Variants in FOCAD observed in about 807,000 individuals in gnomAD.
The protein encoded by FOCAD is focadhesin, also known as KIAA1797.
In FOCAD, 198 loss-of-function variants were observed where a neutral mutation model predicts 225.6. The observed-to-expected ratio is 0.88, with a 90% confidence interval of 0.78 to 0.99. FOCAD has a LOEUF of 0.99. Among genes scored for constraint, FOCAD ranks in the 50% least tolerant of loss-of-function variants. The pLI, the probability that FOCAD is intolerant of heterozygous loss-of-function variation, is 0.00. For missense variants in FOCAD, 2,713 were observed against 2,123.6 expected (o/e 1.28, Z -5.46); for synonymous variants, 897 against 755.0 (o/e 1.19, Z -3.08).
chr9:20,985,905 C>T (rs1014475154), intron 39 of FOCAD, among the ~76,000 whole-genome samples: 2 of 152,120 alleles, frequency 1.3e-5, no homozygotes, highest in Admixed American at 1.3e-4. Context: ...TCTTGGGGTT[C>T]CACAGAAGTT....
intron 4 of FOCAD, among the ~76,000 whole-genome samples, chr9:20,728,178 G>A (rs1826367597): frequency 6.6e-6 from 1 of 152,030 alleles, no homozygotes; most frequent in Non-Finnish European, 1.5e-5. Context: ...CGTCATAATT[G>A]ACCCATACTC....
At chr9:20,805,050 G>T (rs971080378) in intron 11 of FOCAD, among the ~76,000 whole-genome samples, 4 of 152,046 alleles carry the variant, frequency 2.6e-5, no homozygotes, top group South Asian at 2.1e-4. Flanking sequence ...AATAGTTTCC[G>T]CAGGGAAATT....
chr9:20,859,633 T>A (rs571866659), intron 15 of FOCAD, among the ~76,000 whole-genome samples: 2 of 148,530 alleles, frequency 1.3e-5, no homozygotes, highest in South Asian at 2.1e-4. Context: ...TTAAAAAAAT[T>A]TATTTTGAAA....
intron 5 of FOCAD, among the ~76,000 whole-genome samples, chr9:20,752,980 G>A (rs1000511736): frequency 6.6e-6 from 1 of 150,554 alleles, no homozygotes; most frequent in African/African-American, 2.4e-5. Flanking sequence ...TGGTGTATAA[G>A]AATGCTTGTG....
At chr9:20,991,727 C>T (rs1039694874) in intron 42 of FOCAD, among the ~76,000 whole-genome samples, 4 of 149,712 alleles carry the variant, frequency 2.7e-5, no homozygotes, top group African/African-American at 7.4e-5. Flanking sequence ...GCAGGAGAAT[C>T]GCTTGAACGC....
intron 21 of FOCAD, among the ~76,000 whole-genome samples, chr9:20,898,020 G>T (rs972542758): frequency 6.6e-6 from 1 of 151,694 alleles, no homozygotes; most frequent in Non-Finnish European, 1.5e-5. Context: ...CAGAATTCTA[G>T]GTTGTAATTT....
chr9:20,693,634 C>G (rs544800435), intron 1 of FOCAD, among the ~76,000 whole-genome samples: 1 of 152,256 alleles, frequency 6.6e-6, no homozygotes, highest in Non-Finnish European at 1.5e-5. Context: ...CTCTTCCATT[C>G]TTTATGGAAA....
intron 15 of FOCAD, among the ~76,000 whole-genome samples, chr9:20,857,786 T>G (rs1268588541): frequency 1.3e-4 from 3 of 22,898 alleles, no homozygotes; most frequent in South Asian, 7.9e-4. Flanking sequence ...TTTTTTTGAG[T>G]TTTTTTTTTT....
At chr9:20,942,316 G>T (rs563298912) in intron 28 of FOCAD, among the ~76,000 whole-genome samples, 1 of 152,296 alleles carries the variant, frequency 6.6e-6, no homozygotes, top group South Asian at 2.1e-4. Context: ...TGAAAGAGGG[G>T]CTTCAATCTA....
intron 21 of FOCAD, among the ~76,000 whole-genome samples, chr9:20,890,314 G>A (rs774952846): frequency 1.4e-5 from 2 of 146,494 alleles, no homozygotes; most frequent in Non-Finnish European, 3.0e-5. Flanking sequence ...TACAGATTTT[G>A]TCGACTTCCT....
intron 1 of FOCAD, among the ~76,000 whole-genome samples, chr9:20,695,925 C>T (rs1823334665): frequency 6.6e-6 from 1 of 152,170 alleles, no homozygotes. Context: ...AATTGAGAAG[C>T]AAATGAAGCT....
chr9:20,903,306 A>G (rs773183799), intron 21 of FOCAD, among the ~76,000 whole-genome samples: 7 of 151,898 alleles, frequency 4.6e-5, no homozygotes, highest in South Asian at 2.1e-4. Context: ...GAAAAATTAC[A>G]TAGTTAAATG....
chr9:20,916,471 G>C (rs1346001801), intron 23 of FOCAD, among the ~76,000 whole-genome samples: 1 of 152,196 alleles, frequency 6.6e-6, no homozygotes, highest in African/African-American at 2.4e-5. Context: ...GTAAAAAAGA[G>C]AGACTGTCTT....
At chr9:20,680,110 A>G (rs1822356281), upstream of FOCAD, among the ~76,000 whole-genome samples, 1 of 152,226 alleles carries the variant, frequency 6.6e-6, no homozygotes, top group Non-Finnish European at 1.5e-5. Flanking sequence ...TTCAGGCTCC[A>G]TTCTTTGCTT....
In FOCAD at chr9:20,919,778, G is replaced by T. The variant is rs544714898; in HGVS notation, c.2852+2841G>T. Among the ~76,000 whole-genome samples, 63 of 152,212 alleles carry T rather than the reference G, an allele frequency of 4.1e-4. No individual in the cohort carries two copies. In the South Asian group the frequency reaches 0.012, roughly 29 times the overall value. ...AGCCATATGTAGAAAGCTGAAACTG[G>T]ATCCCTTCCTTACACCTTATACGAA... is the stretch of plus-strand genomic sequence containing the variant. On this transcript the variant is annotated intron_variant, in intron 24 of 43. Coordinates refer to ENST00000338382, the MANE Select transcript of FOCAD (RefSeq NM_001375567.1).
At chr9:20,948,703 C>A in intron 31 of FOCAD, 148 bp from the exon 32 acceptor site, 1 of 773,348 alleles carries the variant, frequency 1.3e-6, no homozygotes, top group South Asian at 1.9e-5. Context: ...TAGTCTGCTG[C>A]CATTTTTGGT....
chr9:20,696,606 C>A (rs1290769887), intron 1 of FOCAD, among the ~76,000 whole-genome samples: 1 of 152,076 alleles, frequency 6.6e-6, no homozygotes, highest in Non-Finnish European at 1.5e-5. Flanking sequence ...GAGTTTGAGA[C>A]CAGCCTGGGC....
At chr9:20,932,764 A>G (rs114502813) in intron 27 of FOCAD, among the ~76,000 whole-genome samples, 1 of 152,204 alleles carries the variant, frequency 6.6e-6, no homozygotes, top group African/African-American at 2.4e-5. Flanking sequence ...AAAATCAAAA[A>G]TAGGAGATTT....
Position 20,912,915 on chromosome 9 carries a change from C to T in FOCAD, c.2768C>T (p.Pro923Leu). 6.2e-7 allele frequency: 1 copy of T among 1,613,166 alleles called. No individual in the cohort carries two copies. The highest frequency in any genetic ancestry group is 8.5e-7 in the Non-Finnish European group (1 of 1,179,554). ...ELQLKHGKEE[P>L]EEVQYKKSTA... Reference sequence around the variant, plus strand: ...CAGTTAAAACATGGAAAAGAAGAACCTGAGGAGGTGCAGTACAAAAAAAGC... The same window carrying T: ...CAGTTAAAACATGGAAAAGAAGAACTTGAGGAGGTGCAGTACAAAAAAAGC... The change falls in exon 23 of 44, where the codon CCT (proline) becomes CTT (leucine). Residue 923 changes from proline (P) to leucine (L), a missense_variant. Physicochemically the swap from Pro to Leu is moderately conservative, Grantham distance 98. Coordinates refer to ENST00000338382, the MANE Select transcript of FOCAD (RefSeq NM_001375567.1).
Sources: gnomAD v4.1 joint callset for allele counts (sites outside exome capture counted in the v4.1 genomes callset) on GRCh38, gnomAD v4.1.1 for gene constraint, MANE v1.5 for transcripts, NCBI Gene and HGNC (gene_info 2026-07-23, HGNC 2026-07-21) for gene names.